ZNF804B: variants seen among roughly 807,000 people sequenced by gnomAD.
ZNF804B encodes the protein zinc finger 804B.
ZNF804B carries 80 observed loss-of-function variants against 101.4 expected under a neutral mutation model. The ratio of observed to expected loss-of-function variants is 0.79; its 90% CI spans 0.66 to 0.95. The LOEUF is 0.95. Among genes scored for constraint, ZNF804B ranks in the 40% least tolerant of loss-of-function variants. ZNF804B has a pLI of 0.00. For missense variants in ZNF804B, 1,673 were observed against 1,561.9 expected (o/e 1.07, Z -1.20); for synonymous variants, 622 against 558.8 (o/e 1.11, Z -1.59).
chr7:89,230,025 T>G (rs1354273210), intron 2 of ZNF804B, among the ~76,000 whole-genome samples: 3 of 152,058 alleles, frequency 2.0e-5, no homozygotes, highest in African/African-American at 7.2e-5. Flanking sequence ...ATTTGTGGAA[T>G]GCGGCAAAGA....
At chr7:89,047,656 C>G (rs1188104062) in intron 1 of ZNF804B, among the ~76,000 whole-genome samples, 1 of 152,110 alleles carries the variant, frequency 6.6e-6, no homozygotes, top group Non-Finnish European at 1.5e-5. Context: ...AATGGAGAAA[C>G]ATGCACATGT....
At chr7:88,813,223 C>G (rs1261734570) in intron 1 of ZNF804B, among the ~76,000 whole-genome samples, 1 of 151,846 alleles carries the variant, frequency 6.6e-6, no homozygotes, top group Non-Finnish European at 1.5e-5. Flanking sequence ...GTCATGAGAT[C>G]GAGACCATCC....
At chr7:88,874,167 C>A (rs2115888033) in intron 1 of ZNF804B, among the ~76,000 whole-genome samples, 1 of 152,146 alleles carries the variant, frequency 6.6e-6, no homozygotes, top group African/African-American at 2.4e-5. Context: ...TTGTAGTTCT[C>A]CTTAAAGAGG....
chr7:89,295,257 A>G (rs915421329), intron 2 of ZNF804B, among the ~76,000 whole-genome samples: 1 of 152,058 alleles, frequency 6.6e-6, no homozygotes, highest in African/African-American at 2.4e-5. Context: ...CGTGCACCCT[A>G]TATTTGTTGT....
chr7:89,028,802 T>G (rs1337923267), intron 1 of ZNF804B, among the ~76,000 whole-genome samples: 1 of 152,178 alleles, frequency 6.6e-6, no homozygotes, highest in African/African-American at 2.4e-5. Context: ...AGGGTTGTTT[T>G]GTGGATTAAA....
At chr7:89,139,291 C>T (rs556163995) in intron 1 of ZNF804B, among the ~76,000 whole-genome samples, 29 of 152,200 alleles carry the variant, frequency 1.9e-4, no homozygotes, top group South Asian at 1.2e-3. Context: ...TTGCTGGTTG[C>T]GGCTCTTGCC....
In ZNF804B at chr7:88,862,497, G is replaced by T. The variant is rs145218960; in HGVS notation, c.108+102413G>T. 2.0e-5 allele frequency among the ~76,000 whole-genome samples: 3 copies of T among 152,306 alleles called. No individual in the cohort carries two copies. The South Asian group carries it at 6.2e-4, about 32-fold the overall frequency. On this transcript the variant is annotated intron_variant, in intron 1 of 3. Coordinates refer to ENST00000333190, the MANE Select transcript of ZNF804B (RefSeq NM_181646.5). ...AACATGGAAAACAATGTTATGAGCT[G>T]TAGCTAATACTATAGATACAACAAA...
At chr7:88,905,380 T>C (rs1431124093) in intron 1 of ZNF804B, among the ~76,000 whole-genome samples, 1 of 151,868 alleles carries the variant, frequency 6.6e-6, no homozygotes, top group Non-Finnish European at 1.5e-5. Context: ...TTTTTTTAGA[T>C]GGAGTCTCAC....
At chr7:89,167,733 A>G (rs921520575) in intron 1 of ZNF804B, among the ~76,000 whole-genome samples, 5 of 152,160 alleles carry the variant, frequency 3.3e-5, no homozygotes, top group Non-Finnish European at 5.9e-5. Context: ...GTGAAACTGC[A>G]AATTATGGTA....
intron 1 of ZNF804B, among the ~76,000 whole-genome samples, chr7:88,925,554 G>A (rs942044350): frequency 2.0e-5 from 3 of 152,276 alleles, no homozygotes; most frequent in Non-Finnish European, 4.4e-5. Context: ...GTGGTCATCT[G>A]CAAGCCATGG....
chr7:88,784,202 C>T (rs1172446906), intron 1 of ZNF804B, among the ~76,000 whole-genome samples: 1 of 152,094 alleles, frequency 6.6e-6, no homozygotes, highest in Non-Finnish European at 1.5e-5. Context: ...ACACAGGAGA[C>T]AATCTGCAAT....
chr7:89,080,465 C>T (rs1789679976), intron 1 of ZNF804B, among the ~76,000 whole-genome samples: 1 of 151,956 alleles, frequency 6.6e-6, no homozygotes. Flanking sequence ...GGAAGTAATA[C>T]TTCCGTTCTG....
At chr7:89,298,167 T>A (rs1175064184) in intron 2 of ZNF804B, among the ~76,000 whole-genome samples, 3 of 126,922 alleles carry the variant, frequency 2.4e-5, no homozygotes, top group South Asian at 5.0e-4. Context: ...ATATATATAT[T>A]TCATATATAT....
chr7:89,323,642 T>G (rs183882184), intron 2 of ZNF804B, among the ~76,000 whole-genome samples: 18 of 152,254 alleles, frequency 1.2e-4, no homozygotes, highest in Admixed American at 4.6e-4. Context: ...TGCAAGGTAT[T>G]GTTCTAATCT....
chr7:88,831,864 A>G (rs1791139776), intron 1 of ZNF804B, among the ~76,000 whole-genome samples: 1 of 151,846 alleles, frequency 6.6e-6, no homozygotes, highest in African/African-American at 2.4e-5. Context: ...ATATATTGCC[A>G]ATTTGTCTCC....
intron 1 of ZNF804B, among the ~76,000 whole-genome samples, chr7:88,841,509 C>T (rs1204261077): frequency 6.6e-6 from 1 of 152,136 alleles, no homozygotes; most frequent in Non-Finnish European, 1.5e-5. Flanking sequence ...CTTGACTCCA[C>T]TGGGAGAAGA....
At chr7:88,763,560 TA>T (rs56956699) in intron 1 of ZNF804B, among the ~76,000 whole-genome samples, 23,828 of 143,434 alleles carry the variant, frequency 0.17, 2,234 homozygotes, top group East Asian at 0.41. Context: ...TTAAAGAAAG[TA>T]AAAAAAAAAA....
At chr7:89,116,607 A>G (rs1395599683) in intron 1 of ZNF804B, among the ~76,000 whole-genome samples, 1 of 152,204 alleles carries the variant, frequency 6.6e-6, no homozygotes, top group Non-Finnish European at 1.5e-5. Flanking sequence ...ATAAAATTAT[A>G]AAGCCTTTCT....
intron 1 of ZNF804B, among the ~76,000 whole-genome samples, chr7:88,847,012 T>C (rs781512010): frequency 1.3e-5 from 2 of 151,360 alleles, no homozygotes; most frequent in African/African-American, 2.4e-5. Context: ...AAGAAGAAAA[T>C]AGAAAATGGC....
Sources: gnomAD v4.1 joint callset for allele counts (sites outside exome capture counted in the v4.1 genomes callset) on GRCh38, gnomAD v4.1.1 for gene constraint, MANE v1.5 for transcripts, NCBI Gene and HGNC (gene_info 2026-07-23, HGNC 2026-07-21) for gene names.